The following SEC16A variants were observed in gnomAD, a reference collection of about 807,000 sequenced individuals.
SEC16A encodes SEC16 homolog A, endoplasmic reticulum export factor, also known as protein transport protein Sec16A.
SEC16A carries 110 observed loss-of-function variants against 221.9 expected under a neutral mutation model. That is an observed-to-expected ratio of 0.50 (90% CI 0.42 to 0.58). SEC16A has a LOEUF of 0.58. Ranked by LOEUF, SEC16A falls within the 20% of genes least tolerant of loss-of-function variation. SEC16A has a pLI of 0.00. For missense variants in SEC16A, 3,165 were observed against 3,097.8 expected (o/e 1.02, Z -0.52); for synonymous variants, 1,393 against 1,257.7 (o/e 1.11, Z -2.28).
rs530481447 is a variant in SEC16A at position 136,474,565 on chromosome 9, G to C, written c.3051C>G (p.Leu1017=). 1 of 1,612,756 alleles carries C rather than the reference G, an allele frequency of 6.2e-7. No homozygotes were observed. The highest frequency in any genetic ancestry group is 8.5e-7 in the Non-Finnish European group (1 of 1,179,824). ...NVYNPSHSDS[L]ASQQSVASHP... is the part of the protein sequence containing the mutation. ...GACTGGCAACACTTTGCTGAGAAGCGAGGCTGTCAGAATGGGACGGGTTGT... is the reference window on the plus strand; with the variant it reads ...GACTGGCAACACTTTGCTGAGAAGCCAGGCTGTCAGAATGGGACGGGTTGT... The change falls in exon 3 of 32, where the codon CTC becomes CTG. Residue 1017 remains leucine, a synonymous_variant. Coordinates refer to ENST00000684901, the MANE Select transcript of SEC16A (RefSeq NM_014866.2).
At chr9:136,482,733 G>A (rs554814801) in intron 1 of SEC16A, among the ~76,000 whole-genome samples, 13 of 152,204 alleles carry the variant, frequency 8.5e-5, no homozygotes, top group African/African-American at 3.1e-4. Flanking sequence ...GGCCCGCGCC[G>A]CGTCCGGCCT....
rs776016747 is a variant in SEC16A, at chr9:136,474,922, C to G, written c.2694G>C (p.Leu898=). The G allele has an allele frequency of 1.2e-6, 2 of 1,613,872 alleles. No individual in the cohort carries two copies. The highest frequency in any genetic ancestry group is 1.7e-5 in the Admixed American group (1 of 60,018). The part of the protein sequence containing the change: ...IPTSSVLSLS[L]PSSVAQSNFP... ...AATTACTTTGGGCAACACTGCTAGGCAGAGACAAGCTAAGGACAGAGCTGG... is the reference window on the plus strand; with the variant it reads ...AATTACTTTGGGCAACACTGCTAGGGAGAGACAAGCTAAGGACAGAGCTGG... Residue 898 remains leucine (L), a synonymous_variant, in exon 3 of 32, where the codon CTG becomes CTC. Transcript: ENST00000684901.
chr9:136,467,658 T>C (rs1840324991), intron 5 of SEC16A, among the ~76,000 whole-genome samples: 1 of 152,252 alleles, frequency 6.6e-6, no homozygotes, highest in Admixed American at 6.5e-5. Flanking sequence ...AAACTGGATA[T>C]ACCATTTTCA....
In SEC16A at chr9:136,474,603, G is replaced by T; in HGVS notation, c.3013C>A (p.Pro1005Thr). The change falls in exon 3 of 32, where the codon CCT becomes ACT. Residue 1005 changes from proline to threonine, a missense_variant. By Grantham distance (38) the Pro-to-Thr change is conservative. Coordinates refer to ENST00000684901, the MANE Select transcript of SEC16A (RefSeq NM_014866.2). ...TGGGACGGGTTGTACACGTTTACAG[G>T]ATTTTCCAAAGTCCTGCTTAAGGTA... Reference protein sequence around the residue: ...DFTLSRTLENPVNVYNPSHSD... With the variant: ...DFTLSRTLENTVNVYNPSHSD... 6.2e-7 allele frequency: 1 copy of T among 1,612,948 alleles called. No homozygotes were observed. Among genetic ancestry groups the T allele is most frequent in the South Asian group, 1.1e-5 (1 of 91,052 alleles).
In SEC16A at chr9:136,447,229, G is replaced by A; in HGVS notation, c.6695C>T (p.Pro2232Leu). Reference protein sequence around the residue: ...PIPSNLFVPTPDAEEPQLPDG... With the variant: ...PIPSNLFVPTLDAEEPQLPDG... ...GGGCTGGTGCTCGTGCTACCTACCT[G>A]GGGTTGGCACGAACAAGTTAGAAGG... Residue 2232 changes from proline (P) to leucine (L), a missense_variant and splice_region_variant, in exon 27 of 32, where the codon CCA (proline) becomes CTA (leucine). Around this residue, in one of 3 missense-constraint regions of SEC16A, gnomAD observed 1,088 missense variants for 1,089.6 expected, o/e 1.00. Transcript: ENST00000684901. This position sits in a 1 kb window ranked among gnomAD's most constrained non-coding sequence, Gnocchi z 5.5. 6.3e-7 allele frequency: 1 copy of A among 1,592,814 alleles called. No individual in the cohort carries two copies. The highest frequency in any genetic ancestry group is 1.3e-5 in the African/African-American group (1 of 74,704).
At position 136,474,993 on chromosome 9, in the gene SEC16A, G is replaced by A; in HGVS notation, c.2623C>T (p.Leu875Phe). 1 of 1,613,754 alleles carries A rather than the reference G, an allele frequency of 6.2e-7. No homozygotes were observed. Among genetic ancestry groups the A allele is most frequent in the South Asian group, 1.1e-5 (1 of 91,074 alleles). Reference protein sequence around the residue: ...GDRPAVSSWALGGDSGENTSL... With the variant: ...GDRPAVSSWAFGGDSGENTSL... Reference sequence around the variant, plus strand: ...GTGTTCTCCCCAGAATCACCACCGAGAGCCCAACTGCTGACTGCAGGTCTA... The same window carrying A: ...GTGTTCTCCCCAGAATCACCACCGAAAGCCCAACTGCTGACTGCAGGTCTA... Residue 875 changes from leucine (L) to phenylalanine (F), a missense_variant, in exon 3 of 32, where the codon CTC becomes TTC. Transcript: ENST00000684901.
intron 9 of SEC16A, 86 bp from the exon 10 acceptor site, chr9:136,463,826 C>T (rs1564500387): frequency 1.0e-5 from 15 of 1,455,220 alleles, no homozygotes; most frequent in Non-Finnish European, 1.4e-5. Flanking sequence ...GGATGCTGCC[C>T]GTGAGAGGAG....
At chr9:136,484,453 C>G (rs759958843), upstream of SEC16A, 1 of 1,205,106 alleles carries the variant, frequency 8.3e-7, no homozygotes, top group Non-Finnish European at 1.1e-6. Flanking sequence ...CCAGCCATGC[C>G]GGGCCCACTC....
At chr9:136,472,132 G>C in intron 3 of SEC16A, 21 bp from the exon 4 acceptor site, 1 of 1,613,202 alleles carries the variant, frequency 6.2e-7, no homozygotes. Context: ...AAGCATTTGG[G>C]CAGGATTAGA....
chr9:136,483,436 C>CG, upstream of SEC16A: 55 of 741,956 alleles, frequency 7.4e-5, no homozygotes, highest in South Asian at 1.8e-4. Flanking sequence ...GTTCCCGCCC[C>CG]TTTGGCCCCG....
intron 22 of SEC16A, among the ~76,000 whole-genome samples, chr9:136,453,191 G>C (rs906151634): frequency 1.3e-5 from 2 of 151,976 alleles, no homozygotes; most frequent in South Asian, 2.1e-4. Context: ...TCTACTTAAA[G>C]TAACTGTTTT....
intron 23 of SEC16A, among the ~76,000 whole-genome samples, chr9:136,450,542 T>G (rs1837645674): frequency 6.6e-6 from 1 of 150,520 alleles, no homozygotes; most frequent in Non-Finnish European, 1.5e-5. Flanking sequence ...GGTGAGATGG[T>G]AACAGGGACA....
Position 136,476,966 on chromosome 9 carries a change from G to A in SEC16A, c.650C>T (p.Pro217Leu), listed in dbSNP as rs761183998. 6 of 1,613,066 alleles carry A rather than the reference G, an allele frequency of 3.7e-6. No homozygotes were observed. The Admixed American group carries it at 8.3e-5, about 22-fold the overall frequency. The change falls in exon 3 of 32, where the codon CCA (proline) becomes CTA (leucine). Residue 217 changes from proline to leucine, a missense_variant. Coordinates refer to ENST00000684901, the MANE Select transcript of SEC16A (RefSeq NM_014866.2). The stretch of plus-strand genomic sequence containing the variant: ...CGAGGGCTGTGGGCCTCCCTGCACT[G>A]GCCCCCACTGTCCTGGCATCTGCAG... Reference protein sequence around the residue: ...PGLQMPGQWGPVQGGPQPSGQ... With the variant: ...PGLQMPGQWGLVQGGPQPSGQ...
intron 20 of SEC16A, among the ~76,000 whole-genome samples, chr9:136,455,360 C>T (rs1029522168): frequency 2.6e-4 from 40 of 152,148 alleles, no homozygotes; most frequent in Admixed American, 2.6e-3. Context: ...GTCGCCAGCA[C>T]ATGGATATTT....
intron 23 of SEC16A, among the ~76,000 whole-genome samples, chr9:136,450,776 C>T (rs971665098): frequency 3.9e-5 from 6 of 152,322 alleles, no homozygotes; most frequent in East Asian, 3.9e-4. Flanking sequence ...GCTGAACACA[C>T]GCTCATCCTG....
chr9:136,462,418 C>G (rs1174302768), intron 12 of SEC16A, among the ~76,000 whole-genome samples: 1 of 152,212 alleles, frequency 6.6e-6, no homozygotes, highest in Non-Finnish European at 1.5e-5. Context: ...TGACCCCAGT[C>G]ACTGGACGCT....
chr9:136,455,354 C>G (rs994027235), intron 20 of SEC16A, among the ~76,000 whole-genome samples: 4 of 152,120 alleles, frequency 2.6e-5, no homozygotes, highest in African/African-American at 9.7e-5. Context: ...GGCAGTGTCG[C>G]CAGCACATGG....
In SEC16A at chr9:136,476,207, A is replaced by C. The variant is rs1841605323; in HGVS notation, c.1409T>G (p.Val470Gly). The C allele has an allele frequency of 6.2e-7, 1 of 1,613,654 alleles. No homozygotes were observed. Among genetic ancestry groups the C allele is most frequent in the African/African-American group, 1.3e-5 (1 of 74,916 alleles). Reference protein sequence around the residue: ...ENLEFVQNQEVLPSEPLNLDP... With the variant: ...ENLEFVQNQEGLPSEPLNLDP... ...CAAATTGAGGGGCTCACTTGGCAGA[A>C]CTTCTTGATTCTGAACAAATTCTAA... The change falls in exon 3 of 32, where the codon GTT becomes GGT. Residue 470 changes from valine (V) to glycine (G), a missense_variant. Val to Gly is a moderately radical substitution (Grantham distance 109). Coordinates refer to ENST00000684901, the MANE Select transcript of SEC16A (RefSeq NM_014866.2).
chr9:136,456,086 C>T lies in SEC16A; in HGVS notation c.5631G>A (p.Leu1877=), dbSNP rs369719604. 5 of 1,612,970 alleles carry T rather than the reference C, an allele frequency of 3.1e-6. No homozygotes were observed. The African/African-American group carries it at 4.0e-5, about 13-fold the overall frequency. Residue 1877 remains leucine (L), a synonymous_variant, in exon 19 of 32, where the codon CTG becomes CTA. Transcript: ENST00000684901. ...GCCGCTCCACCTGCTGCAGGTGAACCAGCCACGTGGGTGCGGCCAAGGACT... is the reference window on the plus strand; with the variant it reads ...GCCGCTCCACCTGCTGCAGGTGAACTAGCCACGTGGGTGCGGCCAAGGACT... ...EEESLAAPTW[L]VHLQQVERQI...
Sources: gnomAD v4.1 joint callset for allele counts (sites outside exome capture counted in the v4.1 genomes callset) on GRCh38, gnomAD v4.1.1 for gene constraint, gnomAD v4.1.1 regional missense constraint, Gnocchi (gnomAD v3.1) non-coding constraint, MANE v1.5 for transcripts, NCBI Gene and HGNC (gene_info 2026-07-23, HGNC 2026-07-21) for gene names.